The following PTPRK variants were observed in gnomAD, a reference collection of about 807,000 sequenced individuals.
PTPRK encodes the protein protein tyrosine phosphatase receptor type K, also known as receptor-type tyrosine-protein phosphatase kappa.
PTPRK carries 75 observed loss-of-function variants against 178.0 expected under a neutral mutation model. The observed-to-expected ratio is 0.42, with a 90% CI of 0.35 to 0.51. The LOEUF is 0.51. PTPRK is among the 20% of genes least tolerant of loss of function. The probability of loss-of-function intolerance (pLI) is 0.02; values close to 1 mark genes in which losing one functional copy is unlikely to be tolerated. For missense variants in PTPRK, 1,441 were observed against 1,797.8 expected (o/e 0.80, Z 3.59); for synonymous variants, 637 against 620.6 (o/e 1.03, Z -0.39).
intron 27 of PTPRK, among the ~76,000 whole-genome samples, chr6:127,974,559 G>T (rs989127285): frequency 6.6e-6 from 1 of 152,160 alleles, no homozygotes; most frequent in Non-Finnish European, 1.5e-5. Flanking sequence ...GAAAGCTCCT[G>T]CCCTGGGCAA....
intron 2 of PTPRK, among the ~76,000 whole-genome samples, chr6:128,363,961 C>T (rs917001171): frequency 2.0e-5 from 3 of 152,030 alleles, no homozygotes; most frequent in Non-Finnish European, 2.9e-5. Flanking sequence ...TCAGTCGATG[C>T]TACACTTCAA....
At chr6:128,384,807 C>T (rs1273727068) in intron 2 of PTPRK, among the ~76,000 whole-genome samples, 1 of 151,404 alleles carries the variant, frequency 6.6e-6, no homozygotes, top group African/African-American at 2.4e-5. Context: ...TAATGCCAGA[C>T]TGGAATTAGG....
At chr6:128,433,701 G>T (rs1333017788) in intron 1 of PTPRK, among the ~76,000 whole-genome samples, 1 of 151,896 alleles carries the variant, frequency 6.6e-6, no homozygotes, top group Non-Finnish European at 1.5e-5. Flanking sequence ...ATTTTTGATA[G>T]AGACAGGGTT....
At chr6:128,300,889 A>G (rs1363136885) in intron 3 of PTPRK, among the ~76,000 whole-genome samples, 5 of 152,026 alleles carry the variant, frequency 3.3e-5, no homozygotes, top group Non-Finnish European at 7.4e-5. Context: ...AAAAATTACA[A>G]TATGTCCTTA....
At chr6:128,294,603 T>A (rs1017730386) in intron 3 of PTPRK, among the ~76,000 whole-genome samples, 1 of 152,104 alleles carries the variant, frequency 6.6e-6, no homozygotes, top group African/African-American at 2.4e-5. Flanking sequence ...TGGGAAAAGA[T>A]ACAAAGTTTA....
At chr6:128,185,890 G>T (rs1802675069) in intron 6 of PTPRK, among the ~76,000 whole-genome samples, 1 of 152,066 alleles carries the variant, frequency 6.6e-6, no homozygotes, top group Admixed American at 6.6e-5. Flanking sequence ...CCTGTAGACA[G>T]GTTTTACCTT....
At chr6:127,977,085 T>C in intron 25 of PTPRK, 31 bp from the exon 26 acceptor site, 3 of 1,606,018 alleles carry the variant, frequency 1.9e-6, no homozygotes, top group South Asian at 1.1e-5. Context: ...TGGAGAAATA[T>C]AAAAACTTAA....
intron 1 of PTPRK, among the ~76,000 whole-genome samples, chr6:128,488,215 G>A (rs144902138): frequency 4.6e-4 from 70 of 152,330 alleles, no homozygotes; most frequent in African/African-American, 1.6e-3. Flanking sequence ...GAAGCATCCA[G>A]CACAGGAGAA....
intron 11 of PTPRK, among the ~76,000 whole-genome samples, chr6:128,076,674 G>C (rs975660800): frequency 6.6e-6 from 1 of 151,894 alleles, no homozygotes; most frequent in African/African-American, 2.4e-5. Context: ...TTCTAGAAAA[G>C]GTCAAAAATC....
At chr6:128,144,382 G>A (rs1460398742) in intron 7 of PTPRK, among the ~76,000 whole-genome samples, 1 of 152,110 alleles carries the variant, frequency 6.6e-6, no homozygotes, top group Non-Finnish European at 1.5e-5. Flanking sequence ...TGATCAACAT[G>A]GTGAGCACAC....
intron 7 of PTPRK, among the ~76,000 whole-genome samples, chr6:128,146,099 T>G (rs1374636650): frequency 6.6e-6 from 1 of 152,204 alleles, no homozygotes; most frequent in African/African-American, 2.4e-5. Context: ...TTTCCCTAGA[T>G]AAGCCAAATC....
At chr6:128,381,330 T>TA (rs1479130607) in intron 2 of PTPRK, among the ~76,000 whole-genome samples, 1 of 152,212 alleles carries the variant, frequency 6.6e-6, no homozygotes, top group Non-Finnish European at 1.5e-5. Flanking sequence ...ATCTTTGTTA[T>TA]AAAAATCATT....
intron 1 of PTPRK, among the ~76,000 whole-genome samples, chr6:128,413,234 A>G (rs80097966): frequency 3.9e-4 from 59 of 152,298 alleles, no homozygotes; most frequent in African/African-American, 1.3e-3. Context: ...GAGAAAGGAA[A>G]TATCAAGGGT....
At chr6:128,375,947 A>T (rs944667951) in intron 2 of PTPRK, among the ~76,000 whole-genome samples, 1 of 152,174 alleles carries the variant, frequency 6.6e-6, no homozygotes, top group Admixed American at 6.5e-5. Context: ...GATGCAAGAG[A>T]TGGGTTCCCA....
chr6:128,372,557 T>G (rs184722343), intron 2 of PTPRK, among the ~76,000 whole-genome samples: 56 of 152,162 alleles, frequency 3.7e-4, no homozygotes, highest in Non-Finnish European at 7.2e-4. Flanking sequence ...TTCCAAAGAG[T>G]TGAAAAGCAG....
At chr6:128,134,580 G>A (rs1365069179) in intron 7 of PTPRK, among the ~76,000 whole-genome samples, 1 of 152,112 alleles carries the variant, frequency 6.6e-6, no homozygotes, top group Non-Finnish European at 1.5e-5. Flanking sequence ...GGAGGCCGAG[G>A]CAGGCTGACC....
At chr6:128,086,804 T>C (rs1330003871) in intron 8 of PTPRK, among the ~76,000 whole-genome samples, 2 of 152,216 alleles carry the variant, frequency 1.3e-5, no homozygotes, top group East Asian at 1.9e-4. Context: ...TTAAATATTA[T>C]ATATTAAACA....
At chr6:128,040,475 C>T (rs1323343818) in intron 13 of PTPRK, among the ~76,000 whole-genome samples, 2 of 151,954 alleles carry the variant, frequency 1.3e-5, no homozygotes, top group Non-Finnish European at 2.9e-5. Context: ...CAGGAAGTTT[C>T]CTCAAACAAA....
chr6:128,358,244 A>C (rs763353406), intron 2 of PTPRK, among the ~76,000 whole-genome samples: 1 of 152,220 alleles, frequency 6.6e-6, no homozygotes, highest in African/African-American at 2.4e-5. Context: ...CTTGGCCCTG[A>C]AGGAGAGGGC....
Sources: allele counts gnomAD v4.1 joint callset (sites outside exome capture counted in the v4.1 genomes callset), GRCh38; gene constraint gnomAD v4.1.1; transcripts MANE v1.5; gene names NCBI Gene and HGNC (gene_info 2026-07-23, HGNC 2026-07-21).